Variants in ZNF385D observed in about 807,000 individuals in gnomAD.
ZNF385D encodes the protein zinc finger protein 385D, also known as zinc finger protein 659.
A neutral mutation model predicts 35.8 loss-of-function variants in ZNF385D; 15 were observed. The observed-to-expected ratio is 0.42, with a 90% confidence interval of 0.28 to 0.64. The LOEUF is 0.64. ZNF385D is among the 30% of genes least tolerant of loss of function. The pLI is 0.23. For synonymous variants in ZNF385D, 212 were observed against 186.8 expected, an observed-to-expected ratio of 1.13 and a Z score of -1.10; for missense variants, 474 against 494.6, an observed-to-expected ratio of 0.96 and a Z score of 0.39.
intron 3 of ZNF385D, among the ~76,000 whole-genome samples, chr3:21,870,976 T>A (rs1393216299): frequency 6.6e-6 from 1 of 152,148 alleles, no homozygotes; most frequent in African/African-American, 2.4e-5. Flanking sequence ...ATTTTTCAGA[T>A]GTAAAATGAA....
chr3:21,640,311 A>T (rs1253347108), intron 2 of ZNF385D, among the ~76,000 whole-genome samples: 1 of 152,090 alleles, frequency 6.6e-6, no homozygotes, highest in Admixed American at 6.6e-5. Flanking sequence ...GAAAAGTGTG[A>T]AAATACATCC....
intron 1 of ZNF385D, among the ~76,000 whole-genome samples, chr3:21,712,435 A>C (rs1330507857): frequency 6.6e-6 from 1 of 152,166 alleles, no homozygotes; most frequent in African/African-American, 2.4e-5. Flanking sequence ...ATTATGTGGA[A>C]TGTCACTTCC....
At chr3:21,492,675 T>A (rs1705521157) in intron 4 of ZNF385D, among the ~76,000 whole-genome samples, 1 of 151,594 alleles carries the variant, frequency 6.6e-6, no homozygotes, top group African/African-American at 2.4e-5. Flanking sequence ...TCCCAGCTAC[T>A]CGGGAGGATG....
chr3:22,270,712 T>G (rs1423399284), intron 2 of ZNF385D, among the ~76,000 whole-genome samples: 2 of 152,012 alleles, frequency 1.3e-5, no homozygotes, highest in African/African-American at 2.4e-5. Flanking sequence ...TGTGCTTTTT[T>G]TTACTGATAG....
intron 3 of ZNF385D, among the ~76,000 whole-genome samples, chr3:22,132,691 A>G (rs1490006399): frequency 6.6e-6 from 1 of 152,100 alleles, no homozygotes. Flanking sequence ...CTTTATTAAT[A>G]TTTCAGATTG....
At chr3:21,819,717 T>TATACACA (rs1347975049) in intron 3 of ZNF385D, among the ~76,000 whole-genome samples, 1 of 146,444 alleles carries the variant, frequency 6.8e-6, no homozygotes, top group East Asian at 2.0e-4. Context: ...CACGTATATA[T>TATACACA]ATACACATGT....
At chr3:21,479,313 G>A (rs959983115) in intron 4 of ZNF385D, among the ~76,000 whole-genome samples, 6 of 151,726 alleles carry the variant, frequency 4.0e-5, no homozygotes, top group African/African-American at 1.5e-4. Flanking sequence ...TTTCTTCTCA[G>A]AACTGATCCA....
rs895975113 is a variant in ZNF385D, at chr3:22,072,235, G to C, written c.325+96582C>G. Among the ~76,000 whole-genome samples the C allele has an allele frequency of 2.6e-5, 4 of 152,088 alleles. No homozygotes were observed. The South Asian group carries it at 6.2e-4, about 24-fold the overall frequency. ...GAAAAAGGATAGAATTTCTTAATTG[G>C]GCATGGAAAATTCCTGAACTAGACA... On this transcript the variant is annotated intron_variant, in intron 3 of 5. Coordinates refer to the ZNF385D transcript ENST00000494108.
At chr3:22,172,890 A>G (rs1694560013) in intron 2 of ZNF385D, among the ~76,000 whole-genome samples, 1 of 152,208 alleles carries the variant, frequency 6.6e-6, no homozygotes, top group East Asian at 1.9e-4. Context: ...TTCCTCTTTA[A>G]GTATAGGTTA....
At chr3:21,750,338 C>A (rs2070003271) in intron 1 of ZNF385D, among the ~76,000 whole-genome samples, 1 of 152,204 alleles carries the variant, frequency 6.6e-6, no homozygotes, top group Non-Finnish European at 1.5e-5. Context: ...CTAAAGGTTT[C>A]AAATAATATG....
intron 3 of ZNF385D, among the ~76,000 whole-genome samples, chr3:21,548,167 T>C (rs1272813220): frequency 1.3e-5 from 2 of 152,260 alleles, no homozygotes; most frequent in South Asian, 2.1e-4. Context: ...CTTTACGCCA[T>C]TTGGGAGCCT....
intron 7 of ZNF385D, among the ~76,000 whole-genome samples, chr3:21,421,899 A>T (rs145887965): frequency 1.7e-3 from 265 of 152,312 alleles, no homozygotes; most frequent in African/African-American, 6.2e-3. Flanking sequence ...TTCCAATTGT[A>T]TGAGGTACTA....
chr3:21,871,760 C>A (rs1191009457), intron 3 of ZNF385D, among the ~76,000 whole-genome samples: 1 of 152,096 alleles, frequency 6.6e-6, no homozygotes, highest in Non-Finnish European at 1.5e-5. Flanking sequence ...AATCCCAGCA[C>A]TTTCGGAGGC....
intron 2 of ZNF385D, among the ~76,000 whole-genome samples, chr3:22,297,887 A>G (rs1702677008): frequency 6.6e-6 from 1 of 152,120 alleles, no homozygotes; most frequent in African/African-American, 2.4e-5. Flanking sequence ...ATTTTCATCC[A>G]ATATTTACAG....
intron 2 of ZNF385D, among the ~76,000 whole-genome samples, chr3:21,624,979 C>T (rs796788088): frequency 6.6e-6 from 1 of 151,974 alleles, no homozygotes; most frequent in African/African-American, 2.4e-5. Flanking sequence ...AATTGAACTT[C>T]GTAAGCATTC....
intron 3 of ZNF385D, among the ~76,000 whole-genome samples, chr3:22,111,797 C>A (rs1702550722): frequency 6.6e-6 from 1 of 152,106 alleles, no homozygotes; most frequent in African/African-American, 2.4e-5. Context: ...TTGTGAAACC[C>A]TGAACAGTGA....
At chr3:21,453,630 A>G (rs779770983) in intron 4 of ZNF385D, among the ~76,000 whole-genome samples, 3 of 152,042 alleles carry the variant, frequency 2.0e-5, no homozygotes, top group Non-Finnish European at 4.4e-5. Context: ...AACATTAATC[A>G]AAACCACTGG....
At chr3:21,859,480 C>T (rs1696921007) in intron 3 of ZNF385D, among the ~76,000 whole-genome samples, 1 of 151,294 alleles carries the variant, frequency 6.6e-6, no homozygotes, top group African/African-American at 2.4e-5. Context: ...TAGATGAAAA[C>T]AACATTCTGC....
intron 4 of ZNF385D, among the ~76,000 whole-genome samples, chr3:21,445,824 A>C (rs390943): frequency 0.66 from 100,219 of 151,980 alleles, 33,311 homozygotes; most frequent in African/African-American, 0.72. Context: ...CATAGCAATA[A>C]AAAAGCATAT....
Sources: gnomAD v4.1 joint callset for allele counts (sites outside exome capture counted in the v4.1 genomes callset) on GRCh38, gnomAD v4.1.1 for gene constraint, MANE v1.5 for transcripts, NCBI Gene and HGNC (gene_info 2026-07-23, HGNC 2026-07-21) for gene names.